Variants in PCDHGB2 observed in about 807,000 individuals in gnomAD.
The protein encoded by PCDHGB2 is protocadherin gamma-B2.
A neutral mutation model predicts 59.3 loss-of-function variants in PCDHGB2; 55 were observed. The observed-to-expected ratio is 0.93, with a 90% confidence interval of 0.75 to 1.16. PCDHGB2 has a LOEUF of 1.16. Among genes scored for constraint, PCDHGB2 ranks in the 50% most tolerant of loss-of-function variants. The probability of loss-of-function intolerance (pLI) is 0.00; values close to 1 mark genes in which losing one functional copy is unlikely to be tolerated. For synonymous variants in PCDHGB2, 516 were observed against 512.0 expected, an observed-to-expected ratio of 1.01 and a Z score of -0.11; for missense variants, 1,228 against 1,198.5, an observed-to-expected ratio of 1.02 and a Z score of -0.36.
At chr5:141,405,491 C>T (rs1399017717) in intron 1 of PCDHGB2, 1 of 858,762 alleles carries the variant, frequency 1.2e-6, no homozygotes, top group East Asian at 2.7e-5. Flanking sequence ...GTGATCTCGG[C>T]TCATTGCAAC....
At chr5:141,383,367 G>C in intron 1 of PCDHGB2, 2 of 1,614,030 alleles carry the variant, frequency 1.2e-6, no homozygotes, top group Non-Finnish European at 1.7e-6. Context: ...CGTTAAGCGA[G>C]GCTGGGGATC....
intron 1 of PCDHGB2, chr5:141,423,753 G>GC (rs1489142243): frequency 4.8e-6 from 3 of 626,014 alleles, no homozygotes; most frequent in African/African-American, 5.1e-5. Context: ...AACTGTTTGG[G>GC]GGGGGGGTGG....
rs757755103 is a variant in PCDHGB2 at position 141,432,638 on chromosome 5, C to A, written c.2422-62169C>A. On this transcript the variant is annotated intron_variant, in intron 1 of 3. Coordinates refer to ENST00000522605, the MANE Select transcript of PCDHGB2 (RefSeq NM_018923.3). The surrounding 1 kb of genome is among the most constrained non-coding windows in gnomAD (Gnocchi z 6.0). ...GGTGGGTCTGCACACGGGCGAGGTG[C>A]GCACGGCGCGAGCCCTGCTGGACAG... The A allele has an allele frequency of 6.2e-6, 10 of 1,613,810 alleles. No homozygotes were observed. Among genetic ancestry groups the A allele is most frequent in the African/African-American group, 1.3e-5 (1 of 75,064 alleles).
intron 1 of PCDHGB2, chr5:141,404,885 G>C: frequency 1.2e-6 from 2 of 1,613,906 alleles, no homozygotes; most frequent in Non-Finnish European, 1.7e-6. Context: ...CCTTGTGGTG[G>C]CTGTACAGGA....
At chr5:141,409,097 G>C in intron 1 of PCDHGB2, 1 of 1,613,958 alleles carries the variant, frequency 6.2e-7, no homozygotes, top group Non-Finnish European at 8.5e-7. Context: ...TGAGAAAACA[G>C]GTATGATTAA....
chr5:141,442,153 C>T, intron 1 of PCDHGB2: 1 of 158,698 alleles, frequency 6.3e-6, no homozygotes, highest in Non-Finnish European at 1.4e-5. Flanking sequence ...CAGACCTCAG[C>T]GATCACTCTG....
chr5:141,433,767 G>T (rs1237334342), intron 1 of PCDHGB2, among the ~76,000 whole-genome samples: 1 of 151,532 alleles, frequency 6.6e-6, no homozygotes, highest in Non-Finnish European at 1.5e-5. Flanking sequence ...AACCTGGGAG[G>T]TGGAGGTTGC....
At chr5:141,394,855 C>A in intron 1 of PCDHGB2, 1 of 1,613,778 alleles carries the variant, frequency 6.2e-7, no homozygotes, top group Non-Finnish European at 8.5e-7. Flanking sequence ...CTGAAGCCTT[C>A]GGTCGACCCG....
rs960870975 is a variant in PCDHGB2 at position 141,417,761 on chromosome 5, C to T, written c.2421+55205C>T. On this transcript the variant is annotated intron_variant, in intron 1 of 3. Coordinates refer to ENST00000522605, the MANE Select transcript of PCDHGB2 (RefSeq NM_018923.3). ...ACACCAGATTGCCAGCTCCGAGACC[C>T]GGGACTCCTCCTGTCCTGGGCCGAA... is the stretch of plus-strand genomic sequence containing the variant. 1.8e-5 allele frequency: 26 copies of T among 1,438,736 alleles called. No homozygotes were observed. The East Asian group carries it at 5.0e-4, about 28-fold the overall frequency. The allele number at this position is 1,438,736 out of a possible 1,614,324, so 89.1% of individuals were successfully genotyped here.
intron 1 of PCDHGB2, chr5:141,365,579 G>T (rs1300437364): frequency 4.3e-6 from 7 of 1,613,564 alleles, no homozygotes; most frequent in African/African-American, 1.3e-5. Flanking sequence ...AGAGACTTCA[G>T]ATTATAATAT....
chr5:141,374,384 C>A, intron 1 of PCDHGB2: 1 of 1,613,962 alleles, frequency 6.2e-7, no homozygotes, highest in East Asian at 2.2e-5. Flanking sequence ...TCAGAGCCCG[C>A]GGTGTCTGGT....
Position 141,415,491 on chromosome 5 carries a change from G to C in PCDHGB2, c.2421+52935G>C, listed in dbSNP as rs1386703838. 3.7e-6 allele frequency: 6 copies of C among 1,614,090 alleles called. No homozygotes were observed. The Admixed American group carries it at 8.3e-5, about 22-fold the overall frequency. ...CCGCGGACTCGCGAAAGAGTCACCTGATCTTCCCCCAGCCCAATTATGCGG... is the reference window on the plus strand; with the variant it reads ...CCGCGGACTCGCGAAAGAGTCACCTCATCTTCCCCCAGCCCAATTATGCGG... On this transcript the variant is annotated intron_variant, in intron 1 of 3. Coordinates refer to ENST00000522605, the MANE Select transcript of PCDHGB2 (RefSeq NM_018923.3).
At chr5:141,394,290 G>C (rs759077173) in intron 1 of PCDHGB2, 5 of 1,613,918 alleles carry the variant, frequency 3.1e-6, no homozygotes, top group Admixed American at 1.7e-5. Context: ...CTCTGTGACC[G>C]AGGACACGCT....
intron 1 of PCDHGB2, chr5:141,408,110 T>G: frequency 2.8e-6 from 4 of 1,445,204 alleles, no homozygotes; most frequent in Non-Finnish European, 2.7e-6. Context: ...GACCCGGGAC[T>G]CCTCCTGTCC....
At chr5:141,423,982 T>C in intron 1 of PCDHGB2, 3 of 1,106,134 alleles carry the variant, frequency 2.7e-6, no homozygotes, top group Non-Finnish European at 3.4e-6. Flanking sequence ...TGTATGAGGC[T>C]CTCAATTTAT....
chr5:141,404,680 G>C, intron 1 of PCDHGB2: 1 of 1,614,160 alleles, frequency 6.2e-7, no homozygotes, highest in East Asian at 2.2e-5. Context: ...CTGGTGTGGA[G>C]CTGGCACCCC....
At chr5:141,375,076 G>C in intron 1 of PCDHGB2, 1 of 1,614,010 alleles carries the variant, frequency 6.2e-7, no homozygotes, top group Non-Finnish European at 8.5e-7. Context: ...GAGACAGAGC[G>C]AAAGTCTTAA....
intron 1 of PCDHGB2, chr5:141,433,358 CCTATCTATCTATCTAT>C (rs3074541): frequency 2.0e-4 from 99 of 504,042 alleles, no homozygotes; most frequent in East Asian, 3.1e-4. Flanking sequence ...CTACTGTCTG[CCTATCTATCTATCTAT>C]CTATCTATCT....
intron 1 of PCDHGB2, chr5:141,419,739 G>T: frequency 6.2e-7 from 1 of 1,613,770 alleles, no homozygotes; most frequent in South Asian, 1.1e-5. Context: ...GGCGAGGTGC[G>T]CATGGTGCGT....
Sources: allele counts gnomAD v4.1 joint callset (sites outside exome capture counted in the v4.1 genomes callset), GRCh38; gene constraint gnomAD v4.1.1; non-coding constraint Gnocchi (gnomAD v3.1); transcripts MANE v1.5; gene names NCBI Gene and HGNC (gene_info 2026-07-23, HGNC 2026-07-21).